PARPBP: variants seen among roughly 807,000 people sequenced by gnomAD.
The protein encoded by PARPBP is PCNA-interacting partner.
In PARPBP, 52 loss-of-function variants were observed where a neutral mutation model predicts 50.0. The observed-to-expected ratio is 1.04, with a 90% CI of 0.83 to 1.31. PARPBP has a LOEUF of 1.31. PARPBP is among the 50% of genes most tolerant of loss of function. The probability of loss-of-function intolerance (pLI) is 0.00; values close to 1 mark genes in which losing one functional copy is unlikely to be tolerated. For synonymous variants in PARPBP, 244 were observed against 232.1 expected (o/e 1.05, Z -0.47); for missense variants, 697 against 672.0 (o/e 1.04, Z -0.41).
chr12:102,190,924 C>T (rs1195277976), intron 9 of PARPBP, among the ~76,000 whole-genome samples: 1 of 152,078 alleles, frequency 6.6e-6, no homozygotes, highest in East Asian at 1.9e-4. Context: ...AAGTAGGAGT[C>T]TCCTTGAGAA....
chr12:102,125,412 A>G (rs557392885), intron 2 of PARPBP, among the ~76,000 whole-genome samples: 85 of 152,338 alleles, frequency 5.6e-4, no homozygotes, highest in Non-Finnish European at 9.8e-4. Context: ...TAGGGTGGTC[A>G]GGGAAGGCCT....
At chr12:102,147,636 G>A (rs1422494695) in intron 2 of PARPBP, among the ~76,000 whole-genome samples, 10 of 151,560 alleles carry the variant, frequency 6.6e-5, no homozygotes, top group East Asian at 1.9e-4. Context: ...TAATGGGTGC[G>A]GCGCACCAGC....
intron 9 of PARPBP, among the ~76,000 whole-genome samples, chr12:102,190,998 T>C (rs1219120866): frequency 6.6e-6 from 1 of 152,102 alleles, no homozygotes; most frequent in Non-Finnish European, 1.5e-5. Context: ...GAAAAAGGAA[T>C]GTTTGTATTA....
intron 6 of PARPBP, among the ~76,000 whole-genome samples, chr12:102,170,128 A>G (rs1446497588): frequency 1.3e-5 from 2 of 152,240 alleles, no homozygotes; most frequent in African/African-American, 2.4e-5. Flanking sequence ...CATAAAATGC[A>G]TAGTGTACTT....
intron 2 of PARPBP, among the ~76,000 whole-genome samples, chr12:102,137,983 G>A (rs574384519): frequency 7.9e-5 from 12 of 152,188 alleles, no homozygotes; most frequent in East Asian, 1.9e-4. Context: ...GTGTGTCTTC[G>A]TAGCAGTATG....
At chr12:102,134,763 G>A (rs1054970910) in intron 2 of PARPBP, among the ~76,000 whole-genome samples, 3 of 151,948 alleles carry the variant, frequency 2.0e-5, no homozygotes, top group African/African-American at 7.2e-5. Flanking sequence ...CTGCAACCTC[G>A]ACCTCCCCAG....
In PARPBP at chr12:102,147,046, A is replaced by G. The variant is rs538899555; in HGVS notation, c.154-1184A>G. On this transcript the variant is annotated intron_variant, in intron 2 of 10. Coordinates refer to ENST00000327680, the MANE Select transcript of PARPBP (RefSeq NM_017915.5). ...CCATCTCACACCAGTTAGAATGGCA[A>G]TCATTAAAAAGTCAGGATACAACAC... 2.0e-4 allele frequency among the ~76,000 whole-genome samples: 30 copies of G among 152,276 alleles called. No homozygotes were observed. The East Asian group carries it at 2.1e-3, about 11-fold the overall frequency.
At chr12:102,151,891 A>AC in intron 3 of PARPBP, 4 of 896,372 alleles carry the variant, frequency 4.5e-6, no homozygotes, top group Non-Finnish European at 6.8e-6. Context: ...GGAACCAGGG[A>AC]CCCAAGGAGC....
At chr12:102,125,053 A>AT (rs1406065267) in intron 2 of PARPBP, among the ~76,000 whole-genome samples, 3 of 152,264 alleles carry the variant, frequency 2.0e-5, no homozygotes, top group African/African-American at 7.2e-5. Flanking sequence ...GCAGTTTTGC[A>AT]TATTTTAAAC....
chr12:102,141,753 T>A (rs1487887742), intron 2 of PARPBP, among the ~76,000 whole-genome samples: 1 of 152,218 alleles, frequency 6.6e-6, no homozygotes, highest in African/African-American at 2.4e-5. Context: ...GAAGCTTAGT[T>A]TGGCTGGCTA....
chr12:102,162,023 T>G (rs1333452867), intron 4 of PARPBP, among the ~76,000 whole-genome samples: 1 of 152,178 alleles, frequency 6.6e-6, no homozygotes, highest in Non-Finnish European at 1.5e-5. Flanking sequence ...CCAGTGAAGT[T>G]TTTCTTTTAA....
Position 102,182,549 on chromosome 12 carries a change from G to A in PARPBP, c.1185G>A (p.Arg395=). Residue 395 remains arginine, a splice_region_variant and synonymous_variant, in exon 9 of 11, where the codon AGG becomes AGA. Coordinates refer to ENST00000327680, the MANE Select transcript of PARPBP (RefSeq NM_017915.5). ...TTTGCCTTTTTTTTTTTTGACATAG[G>A]TCTCCCACACAGGTGAATAATTCGA... ...HHGTSILTLF[R]SPTQVNNSIK... is the part of the protein sequence containing the mutation. 1 of 1,597,646 alleles carries A rather than the reference G, an allele frequency of 6.3e-7. No individual in the cohort carries two copies. The highest frequency in any genetic ancestry group is 8.5e-7 in the Non-Finnish European group (1 of 1,171,428).
chr12:102,191,397 ATC>A (rs1890783265), intron 9 of PARPBP, among the ~76,000 whole-genome samples: 1 of 152,182 alleles, frequency 6.6e-6, no homozygotes, highest in Admixed American at 6.5e-5. Context: ...AGGATATAAA[ATC>A]TCTGTTCTTT....
At chr12:102,192,385 T>C (rs1028721406) in intron 9 of PARPBP, among the ~76,000 whole-genome samples, 4 of 152,114 alleles carry the variant, frequency 2.6e-5, no homozygotes, top group Non-Finnish European at 4.4e-5. Flanking sequence ...CCCAAAGTTA[T>C]CTAGTTAGTA....
At position 102,165,857 on chromosome 12, in the gene PARPBP, G is replaced by A; in HGVS notation, c.795G>A (p.Glu265=). 1.9e-6 allele frequency: 3 copies of A among 1,564,452 alleles called. No individual in the cohort carries two copies. The highest frequency in any genetic ancestry group is 2.6e-6 in the Non-Finnish European group (3 of 1,139,184). The change falls in exon 6 of 11, where the codon GAG becomes GAA. Residue 265 remains glutamate, a synonymous_variant. Coordinates refer to ENST00000327680, the MANE Select transcript of PARPBP (RefSeq NM_017915.5). The part of the protein sequence containing the change: ...NFINFIDKLD[E]ILGEIPNPSI... The stretch of plus-strand genomic sequence containing the variant: ...TTAATTTCATTGACAAATTAGATGA[G>A]ATTCTTGGAGAAATACCAAACCCAA...
chr12:102,190,470 C>CTGAAA lies in PARPBP; in HGVS notation c.1264-4842_1264-4841insTGAAA, dbSNP rs1199314309. On this transcript the variant is annotated intron_variant, in intron 9 of 10. Transcript: ENST00000327680. ...GAAGCCACTGGCCTACCCTGAAACCCCTTCAACCTTGATTTTGTTTCATAC... is the reference window on the plus strand; with the variant it reads ...GAAGCCACTGGCCTACCCTGAAACCCTGAAACTTCAACCTTGATTTTGTTTCATAC... 2.6e-5 allele frequency among the ~76,000 whole-genome samples: 4 copies of CTGAAA among 152,184 alleles called. No homozygotes were observed. In the East Asian group the frequency reaches 7.7e-4, roughly 29 times the overall value.
chr12:102,152,227 G>C (rs745749342), intron 3 of PARPBP, among the ~76,000 whole-genome samples: 4 of 152,130 alleles, frequency 2.6e-5, no homozygotes, highest in Admixed American at 6.5e-5. Flanking sequence ...TCTCAGACTG[G>C]ATTGAAAAAC....
chr12:102,162,540 G>A (rs1426123006), intron 4 of PARPBP, among the ~76,000 whole-genome samples: 7 of 152,170 alleles, frequency 4.6e-5, no homozygotes, highest in East Asian at 3.9e-4. Flanking sequence ...TTAATTTTGC[G>A]CTGCTCATGG....
At chr12:102,133,263 G>A (rs1883137176) in intron 2 of PARPBP, among the ~76,000 whole-genome samples, 1 of 152,080 alleles carries the variant, frequency 6.6e-6, no homozygotes, top group African/African-American at 2.4e-5. Context: ...TCACTATTGA[G>A]TATGATGTTA....
Sources: gnomAD v4.1 joint callset for allele counts (sites outside exome capture counted in the v4.1 genomes callset) on GRCh38, gnomAD v4.1.1 for gene constraint, MANE v1.5 for transcripts, NCBI Gene and HGNC (gene_info 2026-07-23, HGNC 2026-07-21) for gene names.